Variants in HUNK observed in about 807,000 individuals in gnomAD.
HUNK encodes hormonally up-regulated Neu-associated kinase.
HUNK carries 21 observed loss-of-function variants against 61.0 expected under a neutral mutation model. The observed-to-expected ratio is 0.34, with a 90% CI of 0.24 to 0.50. The LOEUF is 0.50. Ranked by LOEUF, HUNK falls within the 20% of genes least tolerant of loss-of-function variation. HUNK has a pLI of 0.98. For missense variants in HUNK, 772 were observed against 945.7 expected, an observed-to-expected ratio of 0.82 and a Z score of 2.41; for synonymous variants, 371 against 386.1, an observed-to-expected ratio of 0.96 and a Z score of 0.46.
At chr21:31,904,116 C>T (rs759503845) in intron 1 of HUNK, among the ~76,000 whole-genome samples, 7 of 151,622 alleles carry the variant, frequency 4.6e-5, no homozygotes, top group Non-Finnish European at 8.8e-5. Flanking sequence ...CAATTAGTCT[C>T]GGTTCTCCAT....
intron 1 of HUNK, among the ~76,000 whole-genome samples, chr21:31,918,756 C>T (rs185754252): frequency 2.0e-4 from 31 of 152,342 alleles, no homozygotes; most frequent in Admixed American, 2.0e-3. Context: ...TAATCCAGGA[C>T]AGCCTCCCCA....
intron 8 of HUNK, among the ~76,000 whole-genome samples, chr21:31,987,764 A>G (rs995545660): frequency 6.6e-6 from 1 of 152,224 alleles, no homozygotes; most frequent in African/African-American, 2.4e-5. Context: ...GAACCTAGAA[A>G]GTGGAGTGGG....
At chr21:31,881,380 A>C (rs1019305473) in intron 1 of HUNK, among the ~76,000 whole-genome samples, 53 of 152,128 alleles carry the variant, frequency 3.5e-4, no homozygotes, top group African/African-American at 1.2e-3. Context: ...TAATCCCAGC[A>C]CTTTGGGAGG....
At chr21:31,888,270 A>G (rs2052361799) in intron 1 of HUNK, among the ~76,000 whole-genome samples, 1 of 152,188 alleles carries the variant, frequency 6.6e-6, no homozygotes, top group East Asian at 1.9e-4. Context: ...CAATCAGGTC[A>G]TGAATGAGTG....
intron 4 of HUNK, among the ~76,000 whole-genome samples, chr21:31,957,509 G>A (rs2052897629): frequency 1.3e-5 from 2 of 152,158 alleles, no homozygotes; most frequent in Admixed American, 1.3e-4. Context: ...GGCCTCGAGG[G>A]TCTTAATTTC....
chr21:31,985,525 G>A (rs1240524508), intron 8 of HUNK, among the ~76,000 whole-genome samples: 1 of 152,208 alleles, frequency 6.6e-6, no homozygotes, highest in Non-Finnish European at 1.5e-5. Flanking sequence ...ATAGAGGTGG[G>A]CAATGGCACA....
chr21:31,924,439 T>C lies in HUNK; in HGVS notation c.262-29T>C, dbSNP rs374827442. On this transcript the variant is annotated intron_variant, in intron 1 of 10. Transcript: ENST00000270112. This position sits in a 1 kb window ranked among gnomAD's most constrained non-coding sequence, Gnocchi z 5.1. ...CATCGCTATTGTCTGTAATGTCTGA[T>C]AACAGGCATGTTCTTGTTTTCTCCT... is the stretch of plus-strand genomic sequence containing the variant. 9.4e-6 allele frequency: 15 copies of C among 1,599,828 alleles called. No individual in the cohort carries two copies. Among genetic ancestry groups the C allele is most frequent in the Middle Eastern group, 1.7e-4 (1 of 6,016 alleles).
intron 1 of HUNK, among the ~76,000 whole-genome samples, chr21:31,876,623 A>G (rs1041061338): frequency 2.6e-5 from 4 of 152,178 alleles, no homozygotes; most frequent in Non-Finnish European, 2.9e-5. Context: ...AAGGTGAGCT[A>G]CTAAGATGAT....
At chr21:31,975,119 G>C (rs2053039692) in intron 7 of HUNK, among the ~76,000 whole-genome samples, 4 of 152,002 alleles carry the variant, frequency 2.6e-5, no homozygotes, top group African/African-American at 9.7e-5. Flanking sequence ...CTGAACTATG[G>C]TATTATATAT....
intron 1 of HUNK, among the ~76,000 whole-genome samples, chr21:31,879,320 C>G (rs2052288964): frequency 6.6e-6 from 1 of 152,216 alleles, no homozygotes; most frequent in African/African-American, 2.4e-5. Flanking sequence ...GAGGCATTTG[C>G]AAAGCACCTG....
chr21:31,936,279 TA>T (rs1255151642), intron 2 of HUNK, among the ~76,000 whole-genome samples: 7 of 152,228 alleles, frequency 4.6e-5, no homozygotes, highest in Non-Finnish European at 7.3e-5. Flanking sequence ...AAAGCTATTT[TA>T]AAAAATGAGA....
rs1255409761 is a variant in HUNK, at chr21:31,968,273, C to T, written c.898C>T (p.Leu300Phe). The T allele has an allele frequency of 6.2e-7, 1 of 1,614,236 alleles. No homozygotes were observed. Residue 300 changes from leucine (L) to phenylalanine (F), a missense_variant, in exon 6 of 11, where the codon CTC (leucine) becomes TTC (phenylalanine). Around this residue, in one of 2 missense-constraint regions of HUNK, gnomAD observed 359 missense variants for 501.3 expected, o/e 0.72. Coordinates refer to ENST00000270112, the MANE Select transcript of HUNK (RefSeq NM_014586.2). ...AGGTGCCATCAGTTTCCTGCGCTCT[C>T]TCCTGGAACCGGATCCTGTGAAGAG... Reference protein sequence around the residue: ...STGAISFLRSLLEPDPVKRPN... With the variant: ...STGAISFLRSFLEPDPVKRPN...
In HUNK at chr21:31,995,754, C is replaced by G; in HGVS notation, c.1306-14C>G. ...GTATGTGTCTAAGTGCATATGTTTG[C>G]TTCTGATTTGTAGGATAAAAAGCCC... On this transcript the variant is annotated splice_polypyrimidine_tract_variant and intron_variant, in intron 9 of 10. Coordinates refer to ENST00000270112, the MANE Select transcript of HUNK (RefSeq NM_014586.2). The G allele has an allele frequency of 6.2e-7, 1 of 1,609,116 alleles. No individual in the cohort carries two copies. Among genetic ancestry groups the G allele is most frequent in the Non-Finnish European group, 8.5e-7 (1 of 1,176,566 alleles).
intron 1 of HUNK, among the ~76,000 whole-genome samples, chr21:31,894,539 A>C (rs2052412603): frequency 6.6e-6 from 1 of 152,158 alleles, no homozygotes; most frequent in Non-Finnish European, 1.5e-5. Context: ...TTTTATGCAG[A>C]GCTGCTGGTA....
chr21:31,947,237 C>T (rs1444362212), intron 4 of HUNK, among the ~76,000 whole-genome samples: 3 of 151,360 alleles, frequency 2.0e-5, no homozygotes, highest in Non-Finnish European at 4.4e-5. Flanking sequence ...CTGCGCATTC[C>T]CACATCCCAG....
At chr21:31,955,390 A>T (rs1170084900) in intron 4 of HUNK, among the ~76,000 whole-genome samples, 1 of 150,024 alleles carries the variant, frequency 6.7e-6, no homozygotes, top group Non-Finnish European at 1.5e-5. Context: ...GGAGATCGAG[A>T]CCATCCTGGC....
chr21:31,965,594 CTTTTTTT>C (rs71193162), intron 5 of HUNK, among the ~76,000 whole-genome samples: 23 of 127,472 alleles, frequency 1.8e-4, no homozygotes, highest in Non-Finnish European at 2.3e-4. Context: ...CTTTGTTTTT[CTTTTTTT>C]TTTTTTTTTT....
intron 4 of HUNK, among the ~76,000 whole-genome samples, chr21:31,951,497 T>C (rs2833573): frequency 0.73 from 111,410 of 151,986 alleles, 41,220 homozygotes; most frequent in African/African-American, 0.76. Context: ...AGATTGAGAA[T>C]GCAACGTTGT....
rs763756515 is a variant in HUNK, at chr21:31,968,283, C to T, written c.908C>T (p.Pro303Leu). Residue 303 changes from proline to leucine, a missense_variant, in exon 6 of 11, where the codon CCG (proline) becomes CTG (leucine). Coordinates refer to ENST00000270112, the MANE Select transcript of HUNK (RefSeq NM_014586.2). The stretch of plus-strand genomic sequence containing the variant: ...AGTTTCCTGCGCTCTCTCCTGGAAC[C>T]GGATCCTGTGAAGAGGCCAAATATT... ...AISFLRSLLE[P>L]DPVKRPNIQQ... 6.2e-6 allele frequency: 10 copies of T among 1,614,160 alleles called. No homozygotes were observed. The highest frequency in any genetic ancestry group is 7.6e-6 in the Non-Finnish European group (9 of 1,180,028).
Sources: allele counts gnomAD v4.1 joint callset (sites outside exome capture counted in the v4.1 genomes callset), GRCh38; gene constraint gnomAD v4.1.1; regional missense constraint gnomAD v4.1.1; non-coding constraint Gnocchi (gnomAD v3.1); transcripts MANE v1.5; gene names NCBI Gene and HGNC (gene_info 2026-07-23, HGNC 2026-07-21).